Variants in SHH observed in about 807,000 individuals in gnomAD.
SHH encodes the protein sonic hedgehog protein.
A neutral mutation model predicts 16.6 loss-of-function variants in SHH; 3 were observed. The observed-to-expected ratio is 0.18, with a 90% confidence interval of 0.08 to 0.47. The LOEUF is 0.47. Among genes scored for constraint, SHH ranks in the 20% least tolerant of loss-of-function variants. The pLI, the probability that SHH is intolerant of heterozygous loss-of-function variation, is 0.98. For synonymous variants in SHH, 351 were observed against 316.2 expected (o/e 1.11, Z -1.17); for missense variants, 499 against 665.0 (o/e 0.75, Z 2.75).
At chr7:155,808,328 G>GC (rs1803419944) in intron 1 of SHH, among the ~76,000 whole-genome samples, 1 of 152,202 alleles carries the variant, frequency 6.6e-6, no homozygotes, top group African/African-American at 2.4e-5. Context: ...CCCCATGCAA[G>GC]CCCCCCACCC....
chr7:155,810,231 C>T (rs1349640308), intron 1 of SHH, among the ~76,000 whole-genome samples: 2 of 152,168 alleles, frequency 1.3e-5, no homozygotes, highest in Non-Finnish European at 1.5e-5. Context: ...GGAAGGTGTG[C>T]GAGCCCAGGA....
At position 155,803,073 on chromosome 7, in the gene SHH, GGTCCCCGCCGCCGCT is replaced by G. The variant is rs1387194833; in HGVS notation, c.1201_1215del (p.Ser401_Asp405del). 2.2e-6 allele frequency: 3 copies of G among 1,373,568 alleles called. No homozygotes were observed. The highest frequency in any genetic ancestry group is 3.9e-5 in the South Asian group (2 of 51,116). The allele number at this position is 1,373,568 out of a possible 1,614,324, so 85.1% of individuals were successfully genotyped here. The stretch of plus-strand genomic sequence containing the variant: ...GCTACTCTGCCGCCGCCGCCCCCGC[GGTCCCCGCCGCCGCT>G]GTCCCCGCCGCGGTCCGTGCGCGCG... On this transcript the variant is annotated inframe_deletion, in exon 3 of 3. Transcript: ENST00000297261.
intron 2 of SHH, among the ~76,000 whole-genome samples, chr7:155,805,442 A>G (rs1047007923): frequency 6.6e-6 from 1 of 152,240 alleles, no homozygotes; most frequent in African/African-American, 2.4e-5. Context: ...TTAGGAGACA[A>G]GTAGGGAAGC....
At chr7:155,804,144 G>T (rs988778873) in intron 2 of SHH, among the ~76,000 whole-genome samples, 34 of 151,948 alleles carry the variant, frequency 2.2e-4, no homozygotes, top group Non-Finnish European at 3.8e-4. Context: ...GGCGCCGGGC[G>T]CACCCTCCTT....
rs1183016796 is a variant in SHH at position 155,803,155 on chromosome 7, C to T, written c.1134G>A (p.Ala378=). Residue 378 remains alanine (A), a synonymous_variant, in exon 3 of 3, where the codon GCG becomes GCA. Transcript: ENST00000297261. Reference sequence around the variant, plus strand: ...GGAGCGCGTGCGCCAGGCGGAAGGGCGCGAAGGCCCGGTGCGCCCAGCTGT... The same window carrying T: ...GGAGCGCGTGCGCCAGGCGGAAGGGTGCGAAGGCCCGGTGCGCCCAGCTGT... ...EEHSWAHRAF[A]PFRLAHALLA... 7.0e-7 allele frequency: 1 copy of T among 1,437,918 alleles called. No individual in the cohort carries two copies. The highest frequency in any genetic ancestry group is 9.1e-7 in the Non-Finnish European group (1 of 1,093,006). The allele number at this position is 1,437,918 out of a possible 1,614,324, so 89.1% of individuals were successfully genotyped here.
intron 2 of SHH, among the ~76,000 whole-genome samples, chr7:155,805,747 C>A (rs1803341801): frequency 1.3e-5 from 2 of 152,212 alleles, no homozygotes; most frequent in African/African-American, 4.8e-5. Flanking sequence ...GGGCGCGCCG[C>A]CTCCAGATGC....
Position 155,803,135 on chromosome 7 carries a change from G to C in SHH, c.1154C>G (p.Ala385Gly). Reference protein sequence around the residue: ...RAFAPFRLAHALLAALAPART... With the variant: ...RAFAPFRLAHGLLAALAPART... The stretch of plus-strand genomic sequence containing the variant: ...CGCGGGCGCCAGTGCAGCCAGGAGC[G>C]CGTGCGCCAGGCGGAAGGGCGCGAA... The change falls in exon 3 of 3, where the codon GCG (alanine) becomes GGG (glycine). Residue 385 changes from alanine (A) to glycine (G), a missense_variant. Transcript: ENST00000297261. The C allele has an allele frequency of 1.4e-6, 2 of 1,409,402 alleles. No individual in the cohort carries two copies. The highest frequency in any genetic ancestry group is 9.3e-7 in the Non-Finnish European group (1 of 1,077,824). The allele number at this position is 1,409,402 out of a possible 1,614,324, so 87.3% of individuals were successfully genotyped here.
At position 155,800,490 on chromosome 7, in the gene SHH, G is replaced by T; in HGVS notation, c.*2410C>A. 2.2e-6 allele frequency: 1 copy of T among 462,194 alleles called. No homozygotes were observed. The allele number at this position is 462,194 out of a possible 1,614,324, so 28.6% of individuals were successfully genotyped here. ...CTTGGTCAACGCCTGGCTTCTCTCT[G>T]ATCGTCTGGGCTGCACGGCCACATT... is the stretch of plus-strand genomic sequence containing the variant. On this transcript the variant is annotated 3_prime_UTR_variant, in exon 3 of 3. Coordinates refer to ENST00000297261, the MANE Select transcript of SHH (RefSeq NM_000193.4).
At chr7:155,810,779 C>T (rs1462012474) in intron 1 of SHH, among the ~76,000 whole-genome samples, 3 of 152,204 alleles carry the variant, frequency 2.0e-5, no homozygotes, top group East Asian at 3.9e-4. Flanking sequence ...CTCCATCAGC[C>T]GCTGTACGCA....
At chr7:155,811,737 GCAAA>G in intron 1 of SHH, 82 bp downstream of exon 1, 7 of 1,345,882 alleles carry the variant, frequency 5.2e-6, no homozygotes, top group East Asian at 2.3e-5. Context: ...TGCCCGAAGA[GCAAA>G]CAGAGTTAAG....
intron 1 of SHH, among the ~76,000 whole-genome samples, chr7:155,811,502 G>T (rs1803522075): frequency 6.6e-6 from 1 of 152,170 alleles, no homozygotes; most frequent in African/African-American, 2.4e-5. Context: ...CAAAGTGAAG[G>T]TCTCCCCAAG....
chr7:155,807,410 T>C lies in SHH; in HGVS notation c.301-853A>G, dbSNP rs557293746. The C allele has an allele frequency of 6.6e-6, 1 of 151,358 alleles. No individual in the cohort carries two copies. The highest frequency in any genetic ancestry group is 1.5e-5 in the Non-Finnish European group (1 of 67,922). 9.4% of individuals were successfully genotyped at this position (151,358 alleles called of 1,614,324 possible). A position where few individuals can be genotyped will look rare whatever the true frequency, so the allele number is the denominator to read the frequency against. On this transcript the variant is annotated intron_variant, in intron 1 of 2. Transcript: ENST00000297261. This position sits in a 1 kb window ranked among gnomAD's most constrained non-coding sequence, Gnocchi z 7.1. ...CCAGCATAGAATGGCGTCCAGCAAGTTTGAAGAGCAAACTGAAGAGGTGGA... is the reference window on the plus strand; with the variant it reads ...CCAGCATAGAATGGCGTCCAGCAAGCTTGAAGAGCAAACTGAAGAGGTGGA...
chr7:155,805,574 C>T (rs1339937419), intron 2 of SHH, among the ~76,000 whole-genome samples: 1 of 152,216 alleles, frequency 6.6e-6, no homozygotes, highest in Non-Finnish European at 1.5e-5. Context: ...CGGAGGTTTG[C>T]GTGCGCGCGA....
intron 1 of SHH, among the ~76,000 whole-genome samples, chr7:155,810,596 A>G (rs1803502606): frequency 6.6e-6 from 1 of 152,128 alleles, no homozygotes; most frequent in Non-Finnish European, 1.5e-5. Flanking sequence ...AATCAGGACC[A>G]TTTCCCATTC....
At position 155,812,146 on chromosome 7, in the gene SHH, C is replaced by T. The variant is rs764210567; in HGVS notation, c.-24G>A. On this transcript the variant is annotated 5_prime_UTR_variant, in exon 1 of 3. Transcript: ENST00000297261. ...ATCTCGCCCATGGAACTGATGACTT[C>T]CGAGCTGTCCCCGTGCGGGTCCGTG... The T allele has an allele frequency of 6.2e-7, 1 of 1,613,016 alleles. No homozygotes were observed. Among genetic ancestry groups the T allele is most frequent in the South Asian group, 1.1e-5 (1 of 91,056 alleles).
At chr7:155,811,574 G>A (rs1356432740) in intron 1 of SHH, among the ~76,000 whole-genome samples, 1 of 152,016 alleles carries the variant, frequency 6.6e-6, no homozygotes, top group African/African-American at 2.4e-5. Flanking sequence ...TCAAATCAGG[G>A]CCATAATGAA....
At chr7:155,805,255 G>A (rs1248627353) in intron 2 of SHH, among the ~76,000 whole-genome samples, 1 of 151,974 alleles carries the variant, frequency 6.6e-6, no homozygotes, top group Non-Finnish European at 1.5e-5. Flanking sequence ...AGGTGGGGGC[G>A]CCGCCTCCTG....
At chr7:155,811,064 C>T (rs1803512284) in intron 1 of SHH, among the ~76,000 whole-genome samples, 1 of 152,210 alleles carries the variant, frequency 6.6e-6, no homozygotes, top group Non-Finnish European at 1.5e-5. Context: ...TGATGCAATG[C>T]CAATAAGTTC....
At chr7:155,810,688 G>C (rs1252572796) in intron 1 of SHH, among the ~76,000 whole-genome samples, 2 of 152,230 alleles carry the variant, frequency 1.3e-5, no homozygotes, top group Non-Finnish European at 1.5e-5. Flanking sequence ...GAATCGGGTC[G>C]GGAAGCAGGG....
Sources: allele counts gnomAD v4.1 joint callset (sites outside exome capture counted in the v4.1 genomes callset), GRCh38; gene constraint gnomAD v4.1.1; non-coding constraint Gnocchi (gnomAD v3.1); transcripts MANE v1.5; gene names NCBI Gene and HGNC (gene_info 2026-07-23, HGNC 2026-07-21).